Variants in KIF1A observed in about 807,000 individuals in gnomAD.
The protein encoded by KIF1A is kinesin family member 1A.
Under a neutral mutation model 227.3 loss-of-function variants are expected in KIF1A, and 46 were observed. The observed-to-expected ratio is 0.20, with a 90% CI of 0.16 to 0.26. KIF1A has a LOEUF of 0.26. Ranked by LOEUF, KIF1A falls within the 10% of genes least tolerant of loss-of-function variation. The pLI, the probability that KIF1A is intolerant of heterozygous loss-of-function variation, is 1.00. For synonymous variants in KIF1A, 1,022 were observed against 1,012.8 expected, an observed-to-expected ratio of 1.01 and a Z score of -0.17; for missense variants, 1,683 against 2,485.9, an observed-to-expected ratio of 0.68 and a Z score of 6.87.
chr2:240,811,102 C>T (rs963790510), intron 1 of KIF1A, among the ~76,000 whole-genome samples: 1 of 152,204 alleles, frequency 6.6e-6, no homozygotes, highest in Non-Finnish European at 1.5e-5. Flanking sequence ...TGGCTCGTGC[C>T]TGTAATCCCA....
chr2:240,743,851 A>C, intron 33 of KIF1A, 91 bp downstream of exon 33: 1 of 873,720 alleles, frequency 1.1e-6, no homozygotes, highest in Non-Finnish European at 1.9e-6. Context: ...GGGGGTGCAT[A>C]GGCTCTGCAG....
rs543508089 is a variant in KIF1A at position 240,816,162 on chromosome 2, G to T, written c.-61+3960C>A. Among the ~76,000 whole-genome samples, 11 of 151,904 alleles carry T rather than the reference G, an allele frequency of 7.2e-5. No individual in the cohort carries two copies. The South Asian group carries it at 1.5e-3, about 20-fold the overall frequency. ...CAAGGGATGCAGAGTGTGTGTGTGTGTGTGTGTCTATCTGCATGCATGCAT... is the reference window on the plus strand; with the variant it reads ...CAAGGGATGCAGAGTGTGTGTGTGTTTGTGTGTCTATCTGCATGCATGCAT... On this transcript the variant is annotated intron_variant, in intron 1 of 48. Transcript: ENST00000498729.
intron 40 of KIF1A, chr2:240,724,503 G>A (rs78902619): frequency 0.05 from 10,410 of 206,778 alleles, 398 homozygotes; most frequent in Non-Finnish European, 0.068. Context: ...CCTCCAGAAT[G>A]ACCACAGCCA....
intron 28 of KIF1A, among the ~76,000 whole-genome samples, chr2:240,749,311 C>G (rs1226322668): frequency 6.6e-6 from 1 of 152,164 alleles, no homozygotes. Context: ...TATGAGCCAT[C>G]TCGGAGTTGG....
At position 240,774,187 on chromosome 2, in the gene KIF1A, G is replaced by A. The variant is rs1312387938; in HGVS notation, c.1033C>T (p.Leu345=). The A allele has an allele frequency of 3.1e-6, 5 of 1,592,248 alleles. No homozygotes were observed. Among genetic ancestry groups the A allele is most frequent in the Non-Finnish European group, 4.3e-6 (5 of 1,163,462 alleles). Residue 345 remains leucine (L), a synonymous_variant, in exon 12 of 49, where the codon CTG becomes TTG. Coordinates refer to ENST00000498729, the MANE Select transcript of KIF1A (RefSeq NM_001244008.2). ...DINYDETLST[L]RYADRAKQIR... ...TTGTCTCCCTGGAGAACTCACCTCA[G>A]CGTGCTAAGGGTCTCATCGTAGTTG...
intron 27 of KIF1A, 133 bp from the exon 28 acceptor site, chr2:240,750,680 C>T (rs2049107767): frequency 2.9e-6 from 2 of 678,134 alleles, no homozygotes; most frequent in Middle Eastern, 2.7e-4. Context: ...GACAGGACAG[C>T]CAAGGCCAGG....
At chr2:240,819,800 C>T (rs551475320) in intron 1 of KIF1A, among the ~76,000 whole-genome samples, 111 of 152,268 alleles carry the variant, frequency 7.3e-4, no homozygotes, top group African/African-American at 2.3e-3. Flanking sequence ...GCCGGCCGGG[C>T]GAGCCCTCCC....
At chr2:240,729,824 A>G (rs1157275168) in intron 38 of KIF1A, among the ~76,000 whole-genome samples, 1 of 152,218 alleles carries the variant, frequency 6.6e-6, no homozygotes, top group Non-Finnish European at 1.5e-5. Flanking sequence ...GACTGTGTGC[A>G]CAGCAGGGAT....
chr2:240,781,267 CCA>C (rs1208892932), intron 10 of KIF1A, among the ~76,000 whole-genome samples: 1 of 17,702 alleles, frequency 5.6e-5, no homozygotes. Flanking sequence ...ACACACAGCT[CCA>C]CACACACACA....
In KIF1A at chr2:240,775,852, C is replaced by A; in HGVS notation, c.957G>T (p.Leu319=). 6.2e-7 allele frequency: 1 copy of A among 1,602,492 alleles called. No individual in the cohort carries two copies. Among genetic ancestry groups the A allele is most frequent in the South Asian group, 1.1e-5 (1 of 90,840 alleles). ...ACAGGCAAACCCACAAGTTCTCACC[C>A]AGGTTTTCCCGGAGGAGCCAGGTCA... ...SVLTWLLREN[L]GGNSRTAMVA... The change falls in exon 11 of 49, where the codon CTG becomes CTT. Residue 319 remains leucine (L), a splice_region_variant and synonymous_variant. Transcript: ENST00000498729. The surrounding 1 kb of genome is among the most constrained non-coding windows in gnomAD (Gnocchi z 5.5).
rs542317043 is a variant in KIF1A, at chr2:240,715,205, G to A, written c.*2159C>T. On this transcript the variant is annotated 3_prime_UTR_variant, in exon 49 of 49. Transcript: ENST00000498729. Reference sequence around the variant, plus strand: ...GCCGGAGCAGGTGCTTCTGCAAGAAGCTGTTCTGCATCCTCTCCTTGCTGC... The same window carrying A: ...GCCGGAGCAGGTGCTTCTGCAAGAAACTGTTCTGCATCCTCTCCTTGCTGC... 2.0e-5 allele frequency: 3 copies of A among 152,698 alleles called. No homozygotes were observed. The highest frequency in any genetic ancestry group is 7.2e-5 in the African/African-American group (3 of 41,588). 9.5% of individuals were successfully genotyped at this position (152,698 alleles called of 1,614,324 possible).
At chr2:240,806,024 A>C (rs1352172879) in intron 1 of KIF1A, among the ~76,000 whole-genome samples, 1 of 152,236 alleles carries the variant, frequency 6.6e-6, no homozygotes, top group Non-Finnish European at 1.5e-5. Flanking sequence ...AGCAAAGAAG[A>C]CAAAATATAC....
At chr2:240,808,162 G>A (rs1056782215) in intron 1 of KIF1A, among the ~76,000 whole-genome samples, 7 of 152,020 alleles carry the variant, frequency 4.6e-5, no homozygotes, top group Non-Finnish European at 1.0e-4. Flanking sequence ...AGTAAGACAG[G>A]AAAATAACAA....
Position 240,793,386 on chromosome 2 carries a change from A to G in KIF1A, c.107-4074T>C, listed in dbSNP as rs2055978526. Among the ~76,000 whole-genome samples, 1 of 152,202 alleles carries G rather than the reference A, an allele frequency of 6.6e-6. No individual in the cohort carries two copies. Among genetic ancestry groups the G allele is most frequent in the African/African-American group, 2.4e-5 (1 of 41,458 alleles). ...AGGGATGCCCTCTAGCCAGTGTCAC[A>G]CAGCGAGTAAGTCATGAGCACAGCC... On this transcript the variant is annotated intron_variant, in intron 2 of 48. Coordinates refer to ENST00000498729, the MANE Select transcript of KIF1A (RefSeq NM_001244008.2). The surrounding 1 kb of genome is among the most constrained non-coding windows in gnomAD (Gnocchi z 4.8).
chr2:240,820,873 G>A (rs1023148425), upstream of KIF1A, among the ~76,000 whole-genome samples: 1 of 131,862 alleles, frequency 7.6e-6, no homozygotes, highest in Admixed American at 7.6e-5. This position sits in a 1 kb window ranked among gnomAD's most constrained non-coding sequence, Gnocchi z 6.2. Context: ...GGGACCCCCC[G>A]CCCTCCTCTC....
intron 1 of KIF1A, among the ~76,000 whole-genome samples, chr2:240,805,678 C>T (rs1053689627): frequency 4.0e-4 from 61 of 152,240 alleles, no homozygotes; most frequent in African/African-American, 1.4e-3. Flanking sequence ...ATTAGAGCAA[C>T]ATTCTTTTCC....
In KIF1A at chr2:240,734,968, C is replaced by T. The variant is rs77486658; in HGVS notation, c.4007+2095G>A. On this transcript the variant is annotated intron_variant, in intron 38 of 48. Transcript: ENST00000498729. ...CCAGAAGCCGGGGATCCTGAGCCTC[C>T]GCACGTCAGGGAGAGCGGCCTTGGA... Among the ~76,000 whole-genome samples, 1,325 of 152,256 alleles carry T rather than the reference C, an allele frequency of 8.7e-3. 10 individuals are homozygous for T. Among genetic ancestry groups the T allele is most frequent in the Middle Eastern group, 0.017 (5 of 294 alleles).
rs1360644848 is a variant in KIF1A, at chr2:240,790,181, G to A, written c.107-869C>T. On this transcript the variant is annotated intron_variant, in intron 2 of 48. Transcript: ENST00000498729. This position sits in a 1 kb window ranked among gnomAD's most constrained non-coding sequence, Gnocchi z 5.0. ...CTCAGTGGCCGGAAGGACAGGACCC[G>A]CTGCCCCCTGGAACACTGTCTGAAC... is the stretch of plus-strand genomic sequence containing the variant. 6.6e-6 allele frequency among the ~76,000 whole-genome samples: 1 copy of A among 152,110 alleles called. No homozygotes were observed. The highest frequency in any genetic ancestry group is 1.5e-5 in the Non-Finnish European group (1 of 68,032).
chr2:240,791,597 A>G (rs2055712312), intron 2 of KIF1A, among the ~76,000 whole-genome samples: 1 of 113,100 alleles, frequency 8.8e-6, no homozygotes, highest in Admixed American at 9.1e-5. Context: ...CCACACCCCC[A>G]CTAGCCCTTG....
Sources: gnomAD v4.1 joint callset for allele counts (sites outside exome capture counted in the v4.1 genomes callset) on GRCh38, gnomAD v4.1.1 for gene constraint, Gnocchi (gnomAD v3.1) non-coding constraint, MANE v1.5 for transcripts, NCBI Gene and HGNC (gene_info 2026-07-23, HGNC 2026-07-21) for gene names.